Variants in CEP290 observed in about 807,000 individuals in gnomAD.
The protein encoded by CEP290 is centrosomal protein of 290 kDa.
A neutral mutation model predicts 344.9 loss-of-function variants in CEP290; 317 were observed. The ratio of observed to expected loss-of-function variants is 0.92; its 90% CI spans 0.84 to 1.01. The LOEUF (loss-of-function observed/expected upper bound fraction) is 1.01. CEP290 is among the 50% of genes least tolerant of loss of function. CEP290 has a pLI of 0.00. For synonymous variants in CEP290, 932 were observed against 895.8 expected, an observed-to-expected ratio of 1.04 and a Z score of -0.72; for missense variants, 2,754 against 2,761.4, an observed-to-expected ratio of 1.00 and a Z score of 0.06.
At position 88,059,961 on chromosome 12, in the gene CEP290, G is replaced by A. The variant is rs1592739990; in HGVS notation, c.6582C>T (p.Ser2194=). The A allele has an allele frequency of 2.5e-6, 4 of 1,588,776 alleles. No homozygotes were observed. Among genetic ancestry groups the A allele is most frequent in the Non-Finnish European group, 3.4e-6 (4 of 1,167,216 alleles). ...TAATTTTTTCTGTGCCTTTGGTCTT[G>A]GATTCATAGTGCATGCTCAACTGAT... is the stretch of plus-strand genomic sequence containing the variant. ...LGHQLSMHYE[S]KTKGTEKIIA... The change falls in exon 48 of 54, where the codon TCC becomes TCT. Residue 2194 remains serine, a synonymous_variant. Transcript: ENST00000552810.
chr12:88,126,087 T>C (rs1377611649), intron 12 of CEP290, among the ~76,000 whole-genome samples: 1 of 152,038 alleles, frequency 6.6e-6, no homozygotes. Context: ...CACATAAACA[T>C]AGAAAAATAA....
At position 88,068,530 on chromosome 12, in the gene CEP290, T is replaced by C. The variant is rs375498584; in HGVS notation, c.6127A>G (p.Lys2043Glu). Residue 2043 changes from lysine (K) to glutamate (E), a missense_variant, in exon 44 of 54, where the codon AAG becomes GAG. Coordinates refer to ENST00000552810, the MANE Select transcript of CEP290 (RefSeq NM_025114.4). ...AAAAGATATACACTTACTGAAGGCT[T>C]AGAATATGTATCCTTTGAAAACTGT... is the stretch of plus-strand genomic sequence containing the variant. ...EKQFSKDTYS[K>E]PSISGIESDD... 2.0e-6 allele frequency: 3 copies of C among 1,536,194 alleles called. No individual in the cohort carries two copies. The highest frequency in any genetic ancestry group is 1.4e-5 in the African/African-American group (1 of 71,062).
At position 88,059,914 on chromosome 12, in the gene CEP290, C is replaced by A; in HGVS notation, c.6629G>T (p.Arg2210Leu). Residue 2210 changes from arginine to leucine, a missense_variant, in exon 48 of 54, where the codon CGT becomes CTT. Transcript: ENST00000552810. ...EKIIAENERL[R>L]KELKKETDAA... ...AAGTCATACTTTTTTAAGTTCTTTA[C>A]GAAGCCTTTCATTTTCAGCAATAAT... 1.3e-6 allele frequency: 2 copies of A among 1,591,992 alleles called. No homozygotes were observed. Among genetic ancestry groups the A allele is most frequent in the African/African-American group, 1.4e-5 (1 of 73,950 alleles).
chr12:88,136,171 T>G (rs1290777644), intron 6 of CEP290: 1 of 157,024 alleles, frequency 6.4e-6, no homozygotes, highest in African/African-American at 2.4e-5. Context: ...TATATATATC[T>G]CACATAAAAT....
In CEP290 at chr12:88,101,051, T is replaced by C. The variant is rs781259090; in HGVS notation, c.2991+1787A>G. On this transcript the variant is annotated intron_variant, in intron 26 of 53. Transcript: ENST00000552810. ...CATGGGAGTCACAGGGTAGGATTCATGTTTAGAATGATCATTCTTGTGGCA... is the reference window on the plus strand; with the variant it reads ...CATGGGAGTCACAGGGTAGGATTCACGTTTAGAATGATCATTCTTGTGGCA... Among the ~76,000 whole-genome samples the C allele has an allele frequency of 3.5e-4, 53 of 152,114 alleles. 1 individual carries two copies. Among genetic ancestry groups the C allele is most frequent in the Admixed American group, 6.5e-5 (1 of 15,268 alleles).
chr12:88,090,805 C>T lies in CEP290; in HGVS notation c.3496G>A (p.Val1166Ile), dbSNP rs2137304805. Residue 1166 changes from valine to isoleucine, a missense_variant, in exon 30 of 54, where the codon GTT becomes ATT. Val to Ile is a conservative substitution (Grantham distance 29). Transcript: ENST00000552810. ...TGTTGTTGTGCATTCAAAATTTCAACTTGTCTTCTGGCAATATCAGAAATC... is the reference window on the plus strand; with the variant it reads ...TGTTGTTGTGCATTCAAAATTTCAATTTGTCTTCTGGCAATATCAGAAATC... ...REISDIARRQ[V>I]EILNAQQQSR... The T allele has an allele frequency of 6.4e-7, 1 of 1,560,086 alleles. No homozygotes were observed. The highest frequency in any genetic ancestry group is 2.3e-5 in the East Asian group (1 of 42,742).
intron 44 of CEP290, among the ~76,000 whole-genome samples, chr12:88,066,335 T>C (rs1023700040): frequency 1.3e-5 from 2 of 152,220 alleles, no homozygotes; most frequent in African/African-American, 2.4e-5. Context: ...AGTCTTGCTC[T>C]GTTGCCCAGT....
intron 44 of CEP290, 37 bp from the exon 45 acceptor site, chr12:88,064,152 TAATA>T: frequency 6.7e-7 from 1 of 1,489,618 alleles, no homozygotes; most frequent in Non-Finnish European, 9.0e-7. Flanking sequence ...TTTTAAAGTT[TAATA>T]AATAAAAGCC....
At chr12:88,075,480 T>G (rs746395287) in intron 41 of CEP290, among the ~76,000 whole-genome samples, 2 of 151,788 alleles carry the variant, frequency 1.3e-5, no homozygotes, top group African/African-American at 2.4e-5. Context: ...TTCTAGGTGC[T>G]GGGAATACAA....
In CEP290 at chr12:88,106,772, TC is replaced by T; in HGVS notation, c.2719del (p.Glu907SerfsTer47). ...IRQYTTLVELERQLRKENEKQ... is the reference protein window; with the variant it reads ...IRQYTTLVELXRQLRKENEKQ... ...CTCATTTTCTTTTCTAAGTTGTCGC[TC>T]CAATTCTACTAAGGTTGTATATTGC... is the stretch of plus-strand genomic sequence containing the variant. On this transcript the variant is annotated frameshift_variant, in exon 25 of 54. Transcript: ENST00000552810. LOFTEE classifies it high-confidence loss of function. 1.9e-6 allele frequency: 3 copies of T among 1,610,428 alleles called. No homozygotes were observed. Among genetic ancestry groups the T allele is most frequent in the Non-Finnish European group, 2.5e-6 (3 of 1,177,972 alleles).
rs1268464181 is a variant in CEP290, at chr12:88,089,471, T to C, written c.3590A>G (p.Lys1197Arg). The C allele has an allele frequency of 6.5e-7, 1 of 1,543,294 alleles. No individual in the cohort carries two copies. The highest frequency in any genetic ancestry group is 8.7e-7 in the Non-Finnish European group (1 of 1,143,302). ...LLDYQAQSDE[K>R]SLIAKLHQHN... ...TTGGTGCAACTTGGCAATGAGCGACTTTTCATCAGACTGTGCCTGATATTA... is the reference window on the plus strand; with the variant it reads ...TTGGTGCAACTTGGCAATGAGCGACCTTTCATCAGACTGTGCCTGATATTA... Residue 1197 changes from lysine to arginine, a missense_variant, in exon 31 of 54, where the codon AAG becomes AGG. Coordinates refer to ENST00000552810, the MANE Select transcript of CEP290 (RefSeq NM_025114.4).
chr12:88,136,503 A>G (rs779202855), intron 6 of CEP290, 140 bp downstream of exon 6: 2 of 772,408 alleles, frequency 2.6e-6, no homozygotes. Flanking sequence ...CAAAATGAAC[A>G]GTGATATAAA....
In CEP290 at chr12:88,111,318, G is replaced by T. The variant is rs753884599; in HGVS notation, c.2251C>A (p.Arg751=). 6.4e-7 allele frequency: 1 copy of T among 1,561,412 alleles called. No homozygotes were observed. Among genetic ancestry groups the T allele is most frequent in the Admixed American group, 1.9e-5 (1 of 51,564 alleles). The change falls in exon 22 of 54, where the codon CGA becomes AGA. Residue 751 remains arginine (R), a synonymous_variant. Coordinates refer to ENST00000552810, the MANE Select transcript of CEP290 (RefSeq NM_025114.4). The part of the protein sequence containing the change: ...DHLEKETSLL[R]QSEGSNVVFK... The stretch of plus-strand genomic sequence containing the variant: ...ACAACATTTGATCCTTCTGATTGTC[G>T]TAAAAGACTAGTTTCTTTTTCAAGA...
intron 21 of CEP290, 146 bp from the exon 22 acceptor site, chr12:88,111,497 T>A: frequency 2.2e-6 from 2 of 918,242 alleles, no homozygotes; most frequent in Non-Finnish European, 3.1e-6. Flanking sequence ...AGATTTAGAA[T>A]TTTTGTATTC....
chr12:88,127,100 T>C (rs1592663167), intron 11 of CEP290, among the ~76,000 whole-genome samples: 1 of 4,602 alleles, frequency 2.2e-4, no homozygotes, highest in South Asian at 0.012. Context: ...CAATAAAAGA[T>C]GAAATAATCA....
chr12:88,087,310 T>C, intron 32 of CEP290, among the ~76,000 whole-genome samples: 1 of 152,158 alleles, frequency 6.6e-6, no homozygotes, highest in Non-Finnish European at 1.5e-5. Flanking sequence ...ACTACTGTTA[T>C]AAAAGCTAAA....
chr12:88,124,246 G>T (rs1164164541), intron 13 of CEP290, among the ~76,000 whole-genome samples: 1 of 151,946 alleles, frequency 6.6e-6, no homozygotes, highest in Non-Finnish European at 1.5e-5. Flanking sequence ...TACCTCTCTG[G>T]TCTTATCACT....
chr12:88,087,799 T>G lies in CEP290; in HGVS notation c.4175A>C (p.Glu1392Ala). The G allele has an allele frequency of 7.8e-7, 1 of 1,275,480 alleles. No homozygotes were observed. The highest frequency in any genetic ancestry group is 1.0e-6 in the Non-Finnish European group (1 of 988,150). The allele number at this position is 1,275,480 out of a possible 1,614,324, so 79.0% of individuals were successfully genotyped here. A position where few individuals can be genotyped will look rare whatever the true frequency, so the allele number is the denominator to read the frequency against. Residue 1392 changes from glutamate to alanine, a missense_variant, in exon 32 of 54, where the codon GAA (glutamate) becomes GCA (alanine). Physicochemically the swap from Glu to Ala is moderately radical, Grantham distance 107 (BLOSUM62 -1). Coordinates refer to ENST00000552810, the MANE Select transcript of CEP290 (RefSeq NM_025114.4). The part of the protein sequence containing the change: ...YERTISSLEE[E>A]IVQQNKFHEE... Reference sequence around the variant, plus strand: ...TAAAACCTTGTTCTGTTGCACAATTTCTTCTTCAAGACTGCTGATTGTACG... The same window carrying G: ...TAAAACCTTGTTCTGTTGCACAATTGCTTCTTCAAGACTGCTGATTGTACG...
At chr12:88,109,020 C>G in intron 23 of CEP290, 46 bp downstream of exon 23, 1 of 609,302 alleles carries the variant, frequency 1.6e-6, no homozygotes, top group South Asian at 2.6e-5. Context: ...TCACAATTAA[C>G]AAGAATATAC....
Sources: gnomAD v4.1 joint callset for allele counts (sites outside exome capture counted in the v4.1 genomes callset) on GRCh38, gnomAD v4.1.1 for gene constraint, MANE v1.5 for transcripts, NCBI Gene and HGNC (gene_info 2026-07-23, HGNC 2026-07-21) for gene names.